The following CDK10 variants were observed in gnomAD, a reference collection of about 807,000 sequenced individuals.
The protein encoded by CDK10 is cyclin-dependent kinase 10.
Under a neutral mutation model 51.0 loss-of-function variants are expected in CDK10, and 55 were observed. The observed-to-expected ratio is 1.08, with a 90% CI of 0.87 to 1.35. The LOEUF (loss-of-function observed/expected upper bound fraction) is 1.35. Among genes scored for constraint, CDK10 ranks in the 40% most tolerant of loss-of-function variants. CDK10 has a pLI of 0.00. For missense variants in CDK10, 589 were observed against 485.1 expected (o/e 1.21, Z -2.01); for synonymous variants, 255 against 199.1 (o/e 1.28, Z -2.36).
rs534118616 is a variant in CDK10, at chr16:89,692,300, G to A, written c.418-149G>A. 445 of 565,754 alleles carry A rather than the reference G, an allele frequency of 7.9e-4. 4 individuals are homozygous for A. The highest frequency in any genetic ancestry group is 4.4e-3 in the Middle Eastern group (9 of 2,058). The allele number at this position is 565,754 out of a possible 1,614,324, so 35.0% of individuals were successfully genotyped here. ...ACTGGTTTCCTGGGCTGCTGGGAGC[G>A]TGCAGCCCCGGGGCCGAGAGCCTTC... On this transcript the variant is annotated intron_variant, in intron 5 of 12. Transcript: ENST00000353379.
At chr16:89,689,109 A>G in intron 1 of CDK10, 143 bp from the exon 2 acceptor site, 1 of 713,048 alleles carries the variant, frequency 1.4e-6, no homozygotes, top group Non-Finnish European at 2.4e-6. Context: ...CAAAAAAAGA[A>G]AAAAAAAGCC....
At chr16:89,693,358 A>G (rs1204639485) in intron 7 of CDK10, 32 bp downstream of exon 7, 8 of 1,614,096 alleles carry the variant, frequency 5.0e-6, no homozygotes, top group Non-Finnish European at 5.9e-6. Context: ...CCCTGTCCCT[A>G]GATGGCACTT....
intron 2 of CDK10, chr16:89,689,569 A>C: frequency 2.0e-6 from 1 of 498,830 alleles, no homozygotes; most frequent in Non-Finnish European, 3.6e-6. Flanking sequence ...TGCAGAGTAC[A>C]CAGAACTGTT....
chr16:89,691,578 T>G, intron 4 of CDK10, 33 bp downstream of exon 4: 1,532 of 1,377,248 alleles, frequency 1.1e-3, no homozygotes, highest in Non-Finnish European at 1.4e-3. Context: ...CATTGGGCCC[T>G]AGGGAGCATG....
intron 1 of CDK10, chr16:89,687,407 T>G (rs1292548130): frequency 9.0e-6 from 4 of 442,856 alleles, no homozygotes; most frequent in Non-Finnish European, 1.9e-5. Flanking sequence ...TGGCTGGTGC[T>G]CTGAGAGGCC....
chr16:89,687,446 CAG>C (rs757608182), intron 1 of CDK10: 5 of 455,578 alleles, frequency 1.1e-5, no homozygotes, highest in Non-Finnish European at 2.2e-5. Context: ...GAATCATTAA[CAG>C]ATCGTGGCTG....
At chr16:89,692,819 G>A (rs1022039853) in intron 6 of CDK10, 1 of 251,408 alleles carries the variant, frequency 4.0e-6, no homozygotes, top group African/African-American at 2.3e-5. Context: ...TCAACAGCAT[G>A]TAAGAGTTAA....
rs1158088246 is a variant in CDK10 at position 89,689,253 on chromosome 16, T to C, written c.89T>C (p.Leu30Pro). 1 of 1,614,054 alleles carries C rather than the reference T, an allele frequency of 6.2e-7. No homozygotes were observed. Among genetic ancestry groups the C allele is most frequent in the Non-Finnish European group, 8.5e-7 (1 of 1,179,920 alleles). ...ACTGGCAACACCCTTCTGTTTCAGC[T>C]GGGACGATGCCGGAGTGTGAAGGAG... The part of the protein sequence containing the change: ...GFFTVPPEHR[L>P]GRCRSVKEFE... The change falls in exon 2 of 13, where the codon CTG becomes CCG. Residue 30 changes from leucine (L) to proline (P), a missense_variant and splice_region_variant. Coordinates refer to ENST00000353379, the MANE Select transcript of CDK10 (RefSeq NM_052988.5).
chr16:89,691,396 C>T (rs2060440877), intron 3 of CDK10, 47 bp from the exon 4 acceptor site: 1 of 1,451,554 alleles, frequency 6.9e-7, no homozygotes, highest in South Asian at 1.3e-5. Flanking sequence ...TTGGGGCTTC[C>T]CCGCCATCAC....
chr16:89,695,536 G>A, intron 12 of CDK10, 59 bp from the exon 13 acceptor site: 1 of 1,556,350 alleles, frequency 6.4e-7, no homozygotes, highest in Non-Finnish European at 8.7e-7. Context: ...CTCAGACCTG[G>A]GCCTGCTCCT....
At chr16:89,694,258 G>C in intron 9 of CDK10, 26 bp downstream of exon 9, 2 of 1,611,576 alleles carry the variant, frequency 1.2e-6, no homozygotes, top group Non-Finnish European at 1.7e-6. Flanking sequence ...TACCGCTCCT[G>C]GGGCCTCAGG....
chr16:89,694,467 T>TG, intron 9 of CDK10, 198 bp from the exon 10 acceptor site: 1 of 989,556 alleles, frequency 1.0e-6, no homozygotes, highest in South Asian at 1.5e-5. Flanking sequence ...CGCCTGCCCC[T>TG]GCACTTGTCA....
chr16:89,694,032 C>T, intron 8 of CDK10, 141 bp from the exon 9 acceptor site: 1 of 776,240 alleles, frequency 1.3e-6, no homozygotes. Context: ...CCACCTGGAT[C>T]TGCAGGGCCT....
intron 1 of CDK10, 107 bp downstream of exon 1, chr16:89,686,904 G>A (rs2060214183): frequency 2.0e-6 from 2 of 979,788 alleles, no homozygotes; most frequent in Non-Finnish European, 3.0e-6. Context: ...TTCCGGCACG[G>A]GCGGGAACGA....
intron 2 of CDK10, 77 bp downstream of exon 2, chr16:89,689,401 C>T: frequency 7.6e-7 from 1 of 1,318,844 alleles, no homozygotes; most frequent in East Asian, 2.3e-5. Context: ...GAAGCAGCAG[C>T]CGCGTTGGGG....
chr16:89,691,844 C>G lies in CDK10; in HGVS notation c.374C>G (p.Ala125Gly). 1 of 1,613,968 alleles carries G rather than the reference C, an allele frequency of 6.2e-7. No individual in the cohort carries two copies. The highest frequency in any genetic ancestry group is 8.5e-7 in the Non-Finnish European group (1 of 1,179,968). The change falls in exon 5 of 13, where the codon GCC (alanine) becomes GGC (glycine). Residue 125 changes from alanine to glycine, a missense_variant. Coordinates refer to ENST00000353379, the MANE Select transcript of CDK10 (RefSeq NM_052988.5). ...ATGGGTTACTGTGAGCAGGACCTGG[C>G]CAGCCTCCTGGAGAATATGCCAACA... ...LVMGYCEQDL[A>G]SLLENMPTPF...
chr16:89,690,617 G>A lies in CDK10; in HGVS notation c.225G>A (p.Glu75=), dbSNP rs771664771. The stretch of plus-strand genomic sequence containing the variant: ...TGAAGAAGGTGCGGATGGACAAGGA[G>A]AAGGATGGTGAGCAGGAAATTGGGG... ...VALKKVRMDK[E]KDGIPISSLR... The change falls in exon 3 of 13, where the codon GAG becomes GAA. Residue 75 remains glutamate (E), a synonymous_variant. Transcript: ENST00000353379. The A allele has an allele frequency of 4.3e-6, 7 of 1,613,828 alleles. No individual in the cohort carries two copies. Among genetic ancestry groups the A allele is most frequent in the Non-Finnish European group, 5.9e-6 (7 of 1,179,834 alleles).
intron 6 of CDK10, among the ~76,000 whole-genome samples, chr16:89,692,894 T>TC (rs1273867683): frequency 6.7e-6 from 1 of 149,646 alleles, no homozygotes; most frequent in Non-Finnish European, 1.5e-5. Flanking sequence ...TCCCAGCACT[T>TC]TGGGAGGCCG....
chr16:89,695,141 C>T, intron 11 of CDK10, 71 bp downstream of exon 11: 3 of 1,561,766 alleles, frequency 1.9e-6, no homozygotes, highest in Non-Finnish European at 2.6e-6. Context: ...CAGAGCCCAG[C>T]CTCACTGCGG....
Sources: gnomAD v4.1 joint callset for allele counts (sites outside exome capture counted in the v4.1 genomes callset) on GRCh38, gnomAD v4.1.1 for gene constraint, MANE v1.5 for transcripts, NCBI Gene and HGNC (gene_info 2026-07-23, HGNC 2026-07-21) for gene names.